Variants in ZPBP observed in about 807,000 individuals in gnomAD.
ZPBP encodes zona pellucida-binding protein 1.
A neutral mutation model predicts 44.8 loss-of-function variants in ZPBP; 26 were observed. The ratio of observed to expected loss-of-function variants is 0.58; its 90% confidence interval spans 0.43 to 0.81. The LOEUF (loss-of-function observed/expected upper bound fraction) is 0.81. Among genes scored for constraint, ZPBP ranks in the 30% least tolerant of loss-of-function variants. ZPBP has a pLI of 0.00. For missense variants in ZPBP, 409 were observed against 434.0 expected (o/e 0.94, Z 0.51); for synonymous variants, 174 against 153.2 (o/e 1.14, Z -1.00).
intron 2 of ZPBP, among the ~76,000 whole-genome samples, chr7:49,863,486 G>A (rs1476340359): frequency 6.6e-6 from 1 of 152,178 alleles, no homozygotes; most frequent in African/African-American, 2.4e-5. Flanking sequence ...AGGCTGGAGT[G>A]CATGGCATGA....
At chr7:49,840,664 A>G in the ZPBP span, among the ~76,000 whole-genome samples, 1 of 152,150 alleles carries the variant, frequency 6.6e-6, no homozygotes, top group African/African-American at 2.4e-5. Context: ...TTCCCATATT[A>G]CTAAGAAAAT....
intron 2 of ZPBP, among the ~76,000 whole-genome samples, chr7:49,886,642 G>A (rs1791914712): frequency 6.6e-6 from 1 of 152,212 alleles, no homozygotes; most frequent in Admixed American, 6.5e-5. Flanking sequence ...ACATGGGCAG[G>A]TTTGTTATAT....
chr7:49,987,289 A>G (rs1562825949), intron 6 of ZPBP, among the ~76,000 whole-genome samples: 1 of 152,218 alleles, frequency 6.6e-6, no homozygotes, highest in Non-Finnish European at 1.5e-5. Flanking sequence ...GTATATTTAA[A>G]AGGCCTTTAT....
chr7:50,089,663 A>G lies in ZPBP; in HGVS notation c.174T>C (p.Asp58=). The change falls in exon 2 of 8, where the codon GAT becomes GAC. Residue 58 remains aspartate, a synonymous_variant. Transcript: ENST00000046087. ...TTGTTGATCCCACTATTTTCACTGAATCTTTGGTCAAGCGAAAAGCTCTTG... is the reference window on the plus strand; with the variant it reads ...TTGTTGATCCCACTATTTTCACTGAGTCTTTGGTCAAGCGAAAAGCTCTTG... ...RLPRAFRLTK[D]SVKIVGSTSF... is the part of the protein sequence containing the mutation. 1 of 1,611,684 alleles carries G rather than the reference A, an allele frequency of 6.2e-7. No individual in the cohort carries two copies. The highest frequency in any genetic ancestry group is 2.2e-5 in the East Asian group (1 of 44,802).
intron 6 of ZPBP, among the ~76,000 whole-genome samples, chr7:49,996,314 A>C (rs556179650): frequency 6.6e-6 from 1 of 152,252 alleles, no homozygotes; most frequent in South Asian, 2.1e-4. Context: ...AAGTAACCAC[A>C]GGGTGGGTTT....
At chr7:50,013,114 A>G (rs1314818850) in intron 6 of ZPBP, among the ~76,000 whole-genome samples, 1 of 151,902 alleles carries the variant, frequency 6.6e-6, no homozygotes, top group Non-Finnish European at 1.5e-5. Context: ...AAAGAAGATA[A>G]TTTTTTTCAA....
intron 6 of ZPBP, among the ~76,000 whole-genome samples, chr7:50,003,390 T>C (rs746182936): frequency 7.2e-5 from 11 of 152,162 alleles, no homozygotes; most frequent in African/African-American, 1.4e-4. Flanking sequence ...GAAAATGTCA[T>C]TATATTTTGC....
chr7:49,988,107 T>C (rs1797396885), intron 6 of ZPBP, among the ~76,000 whole-genome samples: 10 of 152,226 alleles, frequency 6.6e-5, no homozygotes, highest in Admixed American at 2.6e-4. Context: ...TTCTGTAAAT[T>C]AAGCATTAAA....
chr7:50,009,431 C>T (rs1033993985), intron 6 of ZPBP, among the ~76,000 whole-genome samples: 7 of 151,104 alleles, frequency 4.6e-5, no homozygotes, highest in Admixed American at 4.6e-4. Context: ...GTTCTCTATT[C>T]TGTCTCTCAT....
chr7:49,975,567 A>G (rs1173896474), intron 7 of ZPBP, among the ~76,000 whole-genome samples: 1 of 152,142 alleles, frequency 6.6e-6, no homozygotes, highest in East Asian at 1.9e-4. Flanking sequence ...CCCAGAAAAC[A>G]AAGTTTTCTT....
chr7:50,088,229 T>G (rs1802769911), intron 2 of ZPBP, among the ~76,000 whole-genome samples: 1 of 152,034 alleles, frequency 6.6e-6, no homozygotes, highest in African/African-American at 2.4e-5. Context: ...AGCCATGTGC[T>G]AAAGAATGAG....
At chr7:49,871,384 T>A (rs1455853164) in intron 2 of ZPBP, among the ~76,000 whole-genome samples, 1 of 152,120 alleles carries the variant, frequency 6.6e-6, no homozygotes, top group Non-Finnish European at 1.5e-5. Flanking sequence ...TTGCTTTTAA[T>A]AAGAAAATAT....
chr7:49,958,741 C>T (rs1338962461), intron 7 of ZPBP, among the ~76,000 whole-genome samples: 3 of 152,170 alleles, frequency 2.0e-5, no homozygotes, highest in Non-Finnish European at 4.4e-5. Flanking sequence ...TGCAGGGATA[C>T]ACACATAGAT....
chr7:49,969,918 G>A (rs577965816), intron 7 of ZPBP, among the ~76,000 whole-genome samples: 3 of 151,882 alleles, frequency 2.0e-5, no homozygotes, highest in South Asian at 2.1e-4. Flanking sequence ...GGAATGCAGC[G>A]GCACAATCTC....
intron 2 of ZPBP, among the ~76,000 whole-genome samples, chr7:50,086,856 ATAAACT>A (rs1399721447): frequency 6.6e-6 from 1 of 152,060 alleles, no homozygotes; most frequent in Admixed American, 6.6e-5. Context: ...TCCAATTATG[ATAAACT>A]TAAAGGAAAT....
chr7:49,889,703 C>G (rs1285410852), intron 2 of ZPBP, among the ~76,000 whole-genome samples: 4 of 152,110 alleles, frequency 2.6e-5, no homozygotes, highest in Non-Finnish European at 1.5e-5. Flanking sequence ...TTGCCAGTGA[C>G]CACTGAAATT....
At chr7:49,945,139 G>C (rs1444949877) in intron 7 of ZPBP, among the ~76,000 whole-genome samples, 1 of 151,992 alleles carries the variant, frequency 6.6e-6, no homozygotes, top group African/African-American at 2.4e-5. Flanking sequence ...TAATTTCCAG[G>C]TGTTCATATA....
intron 4 of ZPBP, among the ~76,000 whole-genome samples, chr7:50,034,209 G>C (rs535348023): frequency 4.0e-5 from 6 of 151,298 alleles, no homozygotes; most frequent in Admixed American, 6.6e-5. Context: ...TATCTAGGCT[G>C]AGTCTTGAAT....
intron 2 of ZPBP, among the ~76,000 whole-genome samples, chr7:49,898,344 C>G (rs972027565): frequency 6.6e-6 from 1 of 151,076 alleles, no homozygotes; most frequent in Non-Finnish European, 1.5e-5. Flanking sequence ...TTCACTTATT[C>G]TTTCTATGAT....
Sources: allele counts gnomAD v4.1 joint callset (sites outside exome capture counted in the v4.1 genomes callset), GRCh38; gene constraint gnomAD v4.1.1; transcripts MANE v1.5; gene names NCBI Gene and HGNC (gene_info 2026-07-23, HGNC 2026-07-21).